The following CDYL2 variants were observed in gnomAD, a reference collection of about 807,000 sequenced individuals.
The protein encoded by CDYL2 is chromodomain Y like 2.
CDYL2 carries 23 observed loss-of-function variants against 49.4 expected under a neutral mutation model. That is an observed-to-expected ratio of 0.47 (90% CI 0.34 to 0.66). CDYL2 has a LOEUF of 0.66. Ranked by LOEUF, CDYL2 falls within the 30% of genes least tolerant of loss-of-function variation. The pLI is 0.01. For missense variants in CDYL2, 678 were observed against 656.4 expected (o/e 1.03, Z -0.36); for synonymous variants, 360 against 268.8 (o/e 1.34, Z -3.32).
intron 2 of CDYL2, among the ~76,000 whole-genome samples, chr16:80,645,282 C>CA (rs1908286837): frequency 1.3e-5 from 2 of 152,228 alleles, no homozygotes; most frequent in South Asian, 4.1e-4. Context: ...AGAACTCAAA[C>CA]AAATTTACAA....
intron 1 of CDYL2, among the ~76,000 whole-genome samples, chr16:80,711,152 G>C (rs975898801): frequency 2.0e-5 from 3 of 152,210 alleles, no homozygotes; most frequent in Non-Finnish European, 4.4e-5. Context: ...CGCAGGCTGT[G>C]TTATTGGGTG....
At chr16:80,803,935 A>AGCGGGCGCGGGCGCCGCGGGAGGCG (rs1392016221) in intron 1 of CDYL2, among the ~76,000 whole-genome samples, 47 of 142,376 alleles carry the variant, frequency 3.3e-4, no homozygotes, top group Admixed American at 5.5e-4. Context: ...AGAAAGAGGG[A>AGCGGGCGCGGGCGCCGCGGGAGGCG]GCGGGCGCGG....
At chr16:80,761,881 T>TAAAAAA (rs371781974) in intron 1 of CDYL2, among the ~76,000 whole-genome samples, 1 of 122,502 alleles carries the variant, frequency 8.2e-6, no homozygotes, top group African/African-American at 2.9e-5. Flanking sequence ...AGGAGAAAAT[T>TAAAAAA]AAAAAAAAAA....
intron 1 of CDYL2, among the ~76,000 whole-genome samples, chr16:80,792,625 G>A (rs550766346): frequency 2.2e-4 from 34 of 152,270 alleles, no homozygotes; most frequent in African/African-American, 8.2e-4. Context: ...TGGGGATCCA[G>A]AGTACAGAGA....
intron 2 of CDYL2, among the ~76,000 whole-genome samples, chr16:80,655,033 G>A (rs774105607): frequency 7.9e-5 from 12 of 152,222 alleles, no homozygotes; most frequent in Admixed American, 6.5e-5. Context: ...GTTCGTGGAG[G>A]CTTCACCTCA....
chr16:80,775,006 C>G (rs1241923857), intron 1 of CDYL2, among the ~76,000 whole-genome samples: 1 of 151,680 alleles, frequency 6.6e-6, no homozygotes, highest in East Asian at 1.9e-4. Context: ...AGATTTATTT[C>G]TATAGAAAGA....
At chr16:80,630,124 G>A (rs537288365) in intron 3 of CDYL2, among the ~76,000 whole-genome samples, 2 of 152,308 alleles carry the variant, frequency 1.3e-5, no homozygotes, top group South Asian at 2.1e-4. Flanking sequence ...ATTACGGGCT[G>A]CTTTACCCAG....
chr16:80,641,647 AC>A lies in CDYL2; in HGVS notation c.617-8412del, dbSNP rs1302539319. ...TCATTCTCAGCAAACTACCGCAAGGACAAAAAACCAAACACTGCGTGTTCTC... is the reference window on the plus strand; with the variant it reads ...TCATTCTCAGCAAACTACCGCAAGGAAAAAAACCAAACACTGCGTGTTCTC... On this transcript the variant is annotated intron_variant, in intron 2 of 6. Coordinates refer to ENST00000570137, the MANE Select transcript of CDYL2 (RefSeq NM_152342.4). Among the ~76,000 whole-genome samples the A allele has an allele frequency of 5.9e-5, 9 of 151,390 alleles. No individual in the cohort carries two copies. The East Asian group carries it at 1.8e-3, about 30-fold the overall frequency.
At chr16:80,727,121 A>G (rs776969563) in intron 1 of CDYL2, among the ~76,000 whole-genome samples, 9 of 152,372 alleles carry the variant, frequency 5.9e-5, no homozygotes, top group Admixed American at 1.3e-4. Flanking sequence ...GAACAGCTCC[A>G]GTCTACAGCT....
intron 1 of CDYL2, among the ~76,000 whole-genome samples, chr16:80,749,878 C>T (rs1906070212): frequency 6.6e-6 from 1 of 152,124 alleles, no homozygotes; most frequent in African/African-American, 2.4e-5. Context: ...AAATGTGGCA[C>T]ATAGACACCA....
At chr16:80,650,300 G>A (rs1335178071) in intron 2 of CDYL2, among the ~76,000 whole-genome samples, 2 of 152,054 alleles carry the variant, frequency 1.3e-5, no homozygotes, top group East Asian at 3.8e-4. Context: ...TTAAAAAACT[G>A]GCAAAAGATT....
chr16:80,704,059 C>A (rs182236573), intron 1 of CDYL2, among the ~76,000 whole-genome samples: 117 of 152,326 alleles, frequency 7.7e-4, no homozygotes, highest in Middle Eastern at 3.4e-3. Context: ...AAAAACTCCA[C>A]TACCTGAGTA....
At chr16:80,731,042 CT>C (rs1348403589) in intron 1 of CDYL2, among the ~76,000 whole-genome samples, 1 of 152,120 alleles carries the variant, frequency 6.6e-6, no homozygotes. Flanking sequence ...GAGGTGACAA[CT>C]TCCCAGGTAA....
chr16:80,614,377 G>A (rs1258375512), intron 4 of CDYL2, among the ~76,000 whole-genome samples: 1 of 152,164 alleles, frequency 6.6e-6, no homozygotes, highest in Non-Finnish European at 1.5e-5. Flanking sequence ...CGTCCTCCAA[G>A]CCCATTCATC....
At chr16:80,712,107 A>AGATGTG (rs1212681976) in intron 1 of CDYL2, among the ~76,000 whole-genome samples, 1 of 146,044 alleles carries the variant, frequency 6.8e-6, no homozygotes, top group African/African-American at 2.6e-5. Context: ...ATGTGTATAT[A>AGATGTG]TGTGTATATA....
At chr16:80,728,711 C>T (rs1434517165) in intron 1 of CDYL2, among the ~76,000 whole-genome samples, 1 of 152,136 alleles carries the variant, frequency 6.6e-6, no homozygotes, top group Non-Finnish European at 1.5e-5. Context: ...GGTCGGGTTA[C>T]CCACAAAGGG....
At chr16:80,714,316 T>C (rs935371890) in intron 1 of CDYL2, among the ~76,000 whole-genome samples, 1 of 151,940 alleles carries the variant, frequency 6.6e-6, no homozygotes, top group African/African-American at 2.4e-5. Context: ...AAAAAAAAGC[T>C]GCAAGAGAAG....
chr16:80,675,191 C>G (rs1396130151), intron 2 of CDYL2, among the ~76,000 whole-genome samples: 1 of 152,218 alleles, frequency 6.6e-6, no homozygotes, highest in African/African-American at 2.4e-5. Flanking sequence ...ACCTGAATCC[C>G]TGAAGTACCT....
chr16:80,767,585 T>C (rs1230503677), intron 1 of CDYL2, among the ~76,000 whole-genome samples: 3 of 152,312 alleles, frequency 2.0e-5, no homozygotes, highest in African/African-American at 4.8e-5. Flanking sequence ...TTTCTAATCA[T>C]TTCTTTTGTG....
Sources: allele counts gnomAD v4.1 joint callset (sites outside exome capture counted in the v4.1 genomes callset), GRCh38; gene constraint gnomAD v4.1.1; transcripts MANE v1.5; gene names NCBI Gene and HGNC (gene_info 2026-07-23, HGNC 2026-07-21).